Variants in SIAH1 observed in about 807,000 individuals in gnomAD.
The protein encoded by SIAH1 is siah E3 ubiquitin protein ligase 1.
Under a neutral mutation model 20.0 loss-of-function variants are expected in SIAH1, and 2 were observed. The ratio of observed to expected loss-of-function variants is 0.10; its 90% CI spans 0.04 to 0.31. The LOEUF is 0.31. SIAH1 is among the 10% of genes least tolerant of loss of function. The pLI is 1.00. For missense variants in SIAH1, 119 were observed against 355.3 expected (o/e 0.33, Z 5.35); for synonymous variants, 118 against 125.3 (o/e 0.94, Z 0.39).
At chr16:48,380,242 C>G (rs1961237409) in intron 1 of SIAH1, among the ~76,000 whole-genome samples, 1 of 151,672 alleles carries the variant, frequency 6.6e-6, no homozygotes, top group African/African-American at 2.4e-5. Flanking sequence ...AGGAGTTCAC[C>G]AGGCTGGCCA....
chr16:48,385,205 T>C lies in SIAH1; in HGVS notation c.-4A>G. On this transcript the variant is annotated splice_region_variant and 5_prime_UTR_variant, in exon 1 of 2. Transcript: ENST00000394725. ...TCCCTCAGGCCGGGCCCCACTTACCTGTGGGCGGAGAGCGCGCCTCGGACC... is the reference window on the plus strand; with the variant it reads ...TCCCTCAGGCCGGGCCCCACTTACCCGTGGGCGGAGAGCGCGCCTCGGACC... 3.1e-6 allele frequency: 1 copy of C among 323,732 alleles called. No individual in the cohort carries two copies. The highest frequency in any genetic ancestry group is 2.1e-5 in the South Asian group (1 of 48,502). The allele number at this position is 323,732 out of a possible 1,614,324, so 20.1% of individuals were successfully genotyped here.
intron 1 of SIAH1, among the ~76,000 whole-genome samples, chr16:48,367,236 TAG>T (rs1960865764): frequency 1.3e-5 from 2 of 152,226 alleles, no homozygotes; most frequent in South Asian, 2.1e-4. Context: ...TAAATTTCCC[TAG>T]AGAAGAAAAT....
chr16:48,384,398 C>T (rs1299490148), intron 1 of SIAH1, among the ~76,000 whole-genome samples: 1 of 152,120 alleles, frequency 6.6e-6, no homozygotes, highest in African/African-American at 2.4e-5. Flanking sequence ...ACCTACGCAT[C>T]GGAGTGGCCC....
chr16:48,375,359 C>G (rs922270851), intron 1 of SIAH1, among the ~76,000 whole-genome samples: 1 of 152,158 alleles, frequency 6.6e-6, no homozygotes, highest in African/African-American at 2.4e-5. Flanking sequence ...GGGAGAGAGG[C>G]GAGGAGCAGT....
rs547557914 is a variant in SIAH1 at position 48,365,834 on chromosome 16, G to T, written c.-2-3404C>A. Reference sequence around the variant, plus strand: ...AGTGGAGGCCACGGATGCAGGGGGCGACGCGCTGGCTGAGAAGGAAGTGCG... The same window carrying T: ...AGTGGAGGCCACGGATGCAGGGGGCTACGCGCTGGCTGAGAAGGAAGTGCG... On this transcript the variant is annotated intron_variant, in intron 1 of 1. Transcript: ENST00000394725. The T allele has an allele frequency of 5.4e-5, 68 of 1,249,620 alleles. No homozygotes were observed. In the Admixed American group the frequency reaches 1.2e-3, roughly 23 times the overall value. The allele number at this position is 1,249,620 out of a possible 1,614,324, so 77.4% of individuals were successfully genotyped here.
intron 1 of SIAH1, among the ~76,000 whole-genome samples, chr16:48,384,207 G>A (rs1435062117): frequency 6.6e-6 from 1 of 152,066 alleles, no homozygotes; most frequent in African/African-American, 2.4e-5. Flanking sequence ...TGCTAGGAAG[G>A]GACAGTCAGA....
intron 1 of SIAH1, among the ~76,000 whole-genome samples, chr16:48,378,728 G>A (rs532340718): frequency 7.2e-4 from 109 of 152,050 alleles, no homozygotes; most frequent in Non-Finnish European, 1.4e-3. Context: ...CTTTCCCTCT[G>A]CACAGTTCTT....
rs1190706232 is a variant in SIAH1, at chr16:48,362,444, A to AT, written c.-2-15dup. On this transcript the variant is annotated splice_polypyrimidine_tract_variant and intron_variant, in intron 1 of 1. Transcript: ENST00000394725. The surrounding 1 kb of genome is among the most constrained non-coding windows in gnomAD (Gnocchi z 4.2). ...GACGGCTCATTTCTGAAATAAATAC[A>AT]TAAGGAGGCAGGAGAAAAATAATTA... The AT allele has an allele frequency of 4.3e-6, 7 of 1,612,294 alleles. No individual in the cohort carries two copies. In the East Asian group the frequency reaches 1.6e-4, roughly 36 times the overall value.
chr16:48,370,653 A>C (rs1479421000), intron 1 of SIAH1, among the ~76,000 whole-genome samples: 1 of 151,886 alleles, frequency 6.6e-6, no homozygotes, highest in East Asian at 1.9e-4. Flanking sequence ...AAAAATACAA[A>C]AAATTAGCCA....
chr16:48,370,634 G>A (rs909025329), intron 1 of SIAH1, among the ~76,000 whole-genome samples: 5 of 151,680 alleles, frequency 3.3e-5, no homozygotes, highest in African/African-American at 7.3e-5. Flanking sequence ...GTGAAACCCC[G>A]TCTCTACTAA....
At chr16:48,365,362 C>G (rs765889726) in intron 1 of SIAH1, 15 of 1,613,002 alleles carry the variant, frequency 9.3e-6, no homozygotes, top group Non-Finnish European at 1.3e-5. Context: ...ACAGCCTCAG[C>G]AAACCATCCT....
At chr16:48,382,428 C>T (rs1390977152) in intron 1 of SIAH1, among the ~76,000 whole-genome samples, 2 of 152,002 alleles carry the variant, frequency 1.3e-5, no homozygotes, top group Non-Finnish European at 1.5e-5. Context: ...CATTAGAATA[C>T]GCACAGTAGT....
At chr16:48,384,226 C>T (rs1295807209) in intron 1 of SIAH1, among the ~76,000 whole-genome samples, 3 of 152,108 alleles carry the variant, frequency 2.0e-5, no homozygotes, top group Non-Finnish European at 4.4e-5. Context: ...GAACACCGTC[C>T]CATATCCAGT....
chr16:48,381,104 G>A (rs1287759267), intron 1 of SIAH1, among the ~76,000 whole-genome samples: 3 of 151,948 alleles, frequency 2.0e-5, no homozygotes, highest in African/African-American at 7.3e-5. Flanking sequence ...CTTCACTTTG[G>A]GAGGCTAAGA....
chr16:48,374,126 T>C (rs1184868797), intron 1 of SIAH1, among the ~76,000 whole-genome samples: 1 of 152,214 alleles, frequency 6.6e-6, no homozygotes, highest in Non-Finnish European at 1.5e-5. Flanking sequence ...AAAGAATGTA[T>C]TATCTTCTAA....
intron 1 of SIAH1, among the ~76,000 whole-genome samples, chr16:48,371,626 T>C (rs1053626240): frequency 6.6e-6 from 1 of 152,208 alleles, no homozygotes; most frequent in Non-Finnish European, 1.5e-5. Context: ...CAACTTTTTA[T>C]TTCATACCAC....
intron 1 of SIAH1, among the ~76,000 whole-genome samples, chr16:48,384,374 G>A (rs997614296): frequency 6.6e-6 from 1 of 152,298 alleles, no homozygotes; most frequent in Non-Finnish European, 1.5e-5. Context: ...GGAACGGGCA[G>A]ACAGCGAAAA....
chr16:48,382,577 C>CAAAATAG (rs1375272419), intron 1 of SIAH1, among the ~76,000 whole-genome samples: 1 of 151,992 alleles, frequency 6.6e-6, no homozygotes, highest in Non-Finnish European at 1.5e-5. Flanking sequence ...AGACATCCTG[C>CAAAATAG]TATTTTGAAG....
At chr16:48,370,824 T>C (rs1305456518) in intron 1 of SIAH1, among the ~76,000 whole-genome samples, 1 of 139,736 alleles carries the variant, frequency 7.2e-6, no homozygotes, top group African/African-American at 2.8e-5. Flanking sequence ...AAAAAACAAA[T>C]TTCAAGGACA....
Sources: gnomAD v4.1 joint callset for allele counts (sites outside exome capture counted in the v4.1 genomes callset) on GRCh38, gnomAD v4.1.1 for gene constraint, Gnocchi (gnomAD v3.1) non-coding constraint, MANE v1.5 for transcripts, NCBI Gene and HGNC (gene_info 2026-07-23, HGNC 2026-07-21) for gene names.